Variants in TMCC1 observed in about 807,000 individuals in gnomAD.
The protein encoded by TMCC1 is transmembrane and coiled-coil domain family 1.
Under a neutral mutation model 52.4 loss-of-function variants are expected in TMCC1, and 15 were observed. The ratio of observed to expected loss-of-function variants is 0.29; its 90% confidence interval spans 0.19 to 0.44. TMCC1 has a LOEUF of 0.44. Among genes scored for constraint, TMCC1 ranks in the 20% least tolerant of loss-of-function variants. The probability of loss-of-function intolerance (pLI) is 1.00; values close to 1 mark genes in which losing one functional copy is unlikely to be tolerated. For missense variants in TMCC1, 503 were observed against 806.0 expected (o/e 0.62, Z 4.55); for synonymous variants, 279 against 301.9 (o/e 0.92, Z 0.79).
intron 2 of TMCC1, among the ~76,000 whole-genome samples, chr3:129,834,990 T>C (rs1406908429): frequency 6.6e-6 from 1 of 152,222 alleles, no homozygotes; most frequent in African/African-American, 2.4e-5. Flanking sequence ...AGCTATTTCC[T>C]TGCATCCAGC....
At chr3:129,694,738 C>T (rs1456037644) in intron 4 of TMCC1, among the ~76,000 whole-genome samples, 1 of 152,174 alleles carries the variant, frequency 6.6e-6, no homozygotes, top group Non-Finnish European at 1.5e-5. Context: ...CATGAATAAT[C>T]TACCCCTTGT....
intron 4 of TMCC1, among the ~76,000 whole-genome samples, chr3:129,751,643 C>T (rs1023199420): frequency 3.9e-5 from 6 of 151,962 alleles, no homozygotes; most frequent in South Asian, 2.1e-4. Flanking sequence ...GCTCCTGCAA[C>T]CTCCGGCCCT....
intron 4 of TMCC1, among the ~76,000 whole-genome samples, chr3:129,773,189 G>A (rs2054754417): frequency 2.0e-5 from 3 of 152,170 alleles, no homozygotes; most frequent in African/African-American, 7.2e-5. Context: ...CTTTAAAAAG[G>A]AATAAGGATT....
chr3:129,672,322 G>C (rs2088021638), intron 4 of TMCC1, among the ~76,000 whole-genome samples: 1 of 152,140 alleles, frequency 6.6e-6, no homozygotes, highest in African/African-American at 2.4e-5. Flanking sequence ...TCTTGGCCAG[G>C]CACAGTGGCT....
rs377365771 is a variant in TMCC1, at chr3:129,712,341, T to C, written c.577-41077A>G. ...TTTACTGTCTGTAGTTTGTAATTTA[T>C]GAATTATAATCAGATAAGAAATTGC... is the stretch of plus-strand genomic sequence containing the variant. On this transcript the variant is annotated intron_variant, in intron 4 of 6. Transcript: ENST00000393238. Among the ~76,000 whole-genome samples the C allele has an allele frequency of 4.6e-5, 7 of 152,364 alleles. No homozygotes were observed. The East Asian group carries it at 1.3e-3, about 29-fold the overall frequency.
intron 2 of TMCC1, among the ~76,000 whole-genome samples, chr3:129,845,164 G>A (rs897156552): frequency 2.8e-5 from 4 of 144,654 alleles, no homozygotes; most frequent in Non-Finnish European, 6.0e-5. Flanking sequence ...CTCTGGCCTC[G>A]GCAACAGAGC....
At chr3:129,765,137 CA>C (rs11434430) in intron 4 of TMCC1, among the ~76,000 whole-genome samples, 7 of 147,828 alleles carry the variant, frequency 4.7e-5, no homozygotes, top group African/African-American at 1.2e-4. Flanking sequence ...TTCAAATACT[CA>C]AAAAAAAACC....
At chr3:129,753,024 A>G (rs563250123) in intron 4 of TMCC1, among the ~76,000 whole-genome samples, 1 of 152,180 alleles carries the variant, frequency 6.6e-6, no homozygotes, top group Non-Finnish European at 1.5e-5. Context: ...TATTATGAAA[A>G]CAGCAAAGGG....
intron 2 of TMCC1, among the ~76,000 whole-genome samples, chr3:129,858,560 C>A (rs1357090657): frequency 2.0e-5 from 3 of 151,974 alleles, no homozygotes; most frequent in Non-Finnish European, 4.4e-5. Flanking sequence ...TTGGTAGAGA[C>A]AGGGTTTTGT....
intron 2 of TMCC1, chr3:129,848,101 C>T (rs913005823): frequency 1.3e-5 from 2 of 152,146 alleles, no homozygotes; most frequent in Non-Finnish European, 2.9e-5. Flanking sequence ...TCTCCCAGCC[C>T]AAGGCGTACT....
intron 4 of TMCC1, among the ~76,000 whole-genome samples, chr3:129,686,228 G>A (rs2089398345): frequency 2.6e-5 from 4 of 152,082 alleles, no homozygotes; most frequent in Admixed American, 2.6e-4. Flanking sequence ...GTCCTATGTG[G>A]TTAGGCCCTG....
At chr3:129,786,901 G>A (rs1325109701) in intron 4 of TMCC1, among the ~76,000 whole-genome samples, 1 of 151,990 alleles carries the variant, frequency 6.6e-6, no homozygotes, top group Admixed American at 6.6e-5. Context: ...TGATTAACTC[G>A]ATGAGTTTTC....
At chr3:129,710,313 AT>A (rs1560240098) in intron 4 of TMCC1, among the ~76,000 whole-genome samples, 1 of 152,096 alleles carries the variant, frequency 6.6e-6, no homozygotes, top group Non-Finnish European at 1.5e-5. Context: ...ATTCCATTTT[AT>A]TTTTCCAAAT....
At position 129,865,232 on chromosome 3, in the gene TMCC1, G is replaced by A. The variant is rs565588903; in HGVS notation, c.-184+15077C>T. The stretch of plus-strand genomic sequence containing the variant: ...TGTAGTGGTGCAAGGCGCAATCCGG[G>A]CTCACTGCAACCTCCACCTCCCAGG... On this transcript the variant is annotated intron_variant, in intron 2 of 6. Transcript: ENST00000393238. Among the ~76,000 whole-genome samples the A allele has an allele frequency of 1.2e-3, 185 of 152,132 alleles. 1 individual carries two copies. The highest frequency in any genetic ancestry group is 4.4e-3 in the African/African-American group (182 of 41,500).
At chr3:129,777,791 C>G (rs2055162224) in intron 4 of TMCC1, among the ~76,000 whole-genome samples, 1 of 152,138 alleles carries the variant, frequency 6.6e-6, no homozygotes, top group South Asian at 2.1e-4. Flanking sequence ...GCAATCTGTG[C>G]AGAATAAACA....
At position 129,655,119 on chromosome 3, in the gene TMCC1, A is replaced by G; in HGVS notation, c.1512-16T>C. The G allele has an allele frequency of 1.2e-6, 2 of 1,603,340 alleles. No homozygotes were observed. The highest frequency in any genetic ancestry group is 8.5e-7 in the Non-Finnish European group (1 of 1,176,216). ...TCGTTCACATCTAAGGAGAAAAAAA[A>G]AGTTTAGAATTTTATGAATTCTGTG... On this transcript the variant is annotated splice_polypyrimidine_tract_variant and intron_variant, in intron 5 of 6. Transcript: ENST00000393238.
chr3:129,742,112 T>C (rs2107637270), intron 4 of TMCC1, among the ~76,000 whole-genome samples: 1 of 152,278 alleles, frequency 6.6e-6, no homozygotes, highest in South Asian at 2.1e-4. Context: ...TAAATCTTTG[T>C]GACCTTGAAT....
At chr3:129,886,401 T>C (rs1372984750) in intron 1 of TMCC1, among the ~76,000 whole-genome samples, 1 of 152,136 alleles carries the variant, frequency 6.6e-6, no homozygotes, top group South Asian at 2.1e-4. Flanking sequence ...AGAAATACAG[T>C]GGTTACATAC....
intron 4 of TMCC1, among the ~76,000 whole-genome samples, chr3:129,694,709 T>C (rs533900097): frequency 5.9e-5 from 9 of 152,260 alleles, no homozygotes; most frequent in Admixed American, 3.3e-4. Context: ...TTACCCTATA[T>C]TGGTCTAAAA....
Sources: allele counts gnomAD v4.1 joint callset (sites outside exome capture counted in the v4.1 genomes callset), GRCh38; gene constraint gnomAD v4.1.1; transcripts MANE v1.5; gene names NCBI Gene and HGNC (gene_info 2026-07-23, HGNC 2026-07-21).